Variants in CACNA1D observed in about 807,000 individuals in gnomAD.
The protein encoded by CACNA1D is voltage-dependent L-type calcium channel subunit alpha-1D.
CACNA1D carries 55 observed loss-of-function variants against 257.1 expected under a neutral mutation model. The observed-to-expected ratio is 0.21, with a 90% CI of 0.17 to 0.27. The LOEUF (loss-of-function observed/expected upper bound fraction) is 0.27. Ranked by LOEUF, CACNA1D falls within the 10% of genes least tolerant of loss-of-function variation. The probability of loss-of-function intolerance (pLI) is 1.00; values close to 1 mark genes in which losing one functional copy is unlikely to be tolerated. For missense variants in CACNA1D, 1,876 were observed against 2,784.0 expected, an observed-to-expected ratio of 0.67 and a Z score of 7.34; for synonymous variants, 980 against 1,014.9, an observed-to-expected ratio of 0.97 and a Z score of 0.65.
At chr3:53,509,450 T>C (rs1281821281) in intron 3 of CACNA1D, among the ~76,000 whole-genome samples, 2 of 152,292 alleles carry the variant, frequency 1.3e-5, no homozygotes, top group African/African-American at 2.4e-5. Flanking sequence ...CTGGAGAAAA[T>C]GACTTTCTTC....
chr3:53,803,662 C>A, intron 44 of CACNA1D, 90 bp downstream of exon 44: 1 of 1,361,528 alleles, frequency 7.3e-7, no homozygotes, highest in Non-Finnish European at 1.0e-6. Flanking sequence ...GGCAGCTGCA[C>A]TTGGGCTTCC....
intron 45 of CACNA1D, among the ~76,000 whole-genome samples, chr3:53,806,996 A>AGTGGCTGT (rs1302511388): frequency 6.6e-6 from 1 of 152,146 alleles, no homozygotes; most frequent in African/African-American, 2.4e-5. Flanking sequence ...AGTGGGCAGG[A>AGTGGCTGT]GTGGCTGTGC....
In CACNA1D at chr3:53,793,273, T is replaced by C. The variant is rs2095492721; in HGVS notation, c.4923+6321T>C. The stretch of plus-strand genomic sequence containing the variant: ...CTGCTCTGATTGGGCAGCACCTGGG[T>C]ATATTAAGTTATAAGAATTTATGAA... On this transcript the variant is annotated intron_variant, in intron 40 of 47. Transcript: ENST00000350061. The surrounding 1 kb of genome is among the most constrained non-coding windows in gnomAD (Gnocchi z 4.1). Among the ~76,000 whole-genome samples, 1 of 152,148 alleles carries C rather than the reference T, an allele frequency of 6.6e-6. No individual in the cohort carries two copies. The highest frequency in any genetic ancestry group is 1.5e-5 in the Non-Finnish European group (1 of 68,024).
At chr3:53,592,679 G>T (rs1177547912) in intron 3 of CACNA1D, among the ~76,000 whole-genome samples, 1 of 151,652 alleles carries the variant, frequency 6.6e-6, no homozygotes, top group Non-Finnish European at 1.5e-5. Context: ...GTTCTGAACT[G>T]TAGCATCCCA....
At chr3:53,548,674 A>C (rs1575827627) in intron 3 of CACNA1D, among the ~76,000 whole-genome samples, 1 of 152,026 alleles carries the variant, frequency 6.6e-6, no homozygotes, top group African/African-American at 2.4e-5. Context: ...TGCTTGTATT[A>C]TCTCTCCCTT....
intron 3 of CACNA1D, among the ~76,000 whole-genome samples, chr3:53,541,052 T>C (rs763291825): frequency 1.3e-5 from 2 of 152,194 alleles, no homozygotes; most frequent in Non-Finnish European, 2.9e-5. Flanking sequence ...GGCATGGTAT[T>C]TCATTGACAG....
At chr3:53,496,226 GTGCCTGGGAGATC>G (rs1026857177) in intron 1 of CACNA1D, among the ~76,000 whole-genome samples, 1 of 152,240 alleles carries the variant, frequency 6.6e-6, no homozygotes, top group Non-Finnish European at 1.5e-5. Context: ...AAGGCGGCAG[GTGCCTGGGAGATC>G]TGCCTGGGAG....
chr3:53,681,263 C>T (rs1402170973), intron 8 of CACNA1D, among the ~76,000 whole-genome samples: 1 of 152,192 alleles, frequency 6.6e-6, no homozygotes, highest in Non-Finnish European at 1.5e-5. Flanking sequence ...GAACTTAGAT[C>T]GGCTGCTAGA....
intron 3 of CACNA1D, among the ~76,000 whole-genome samples, chr3:53,551,277 C>T (rs940112915): frequency 6.6e-6 from 1 of 150,634 alleles, no homozygotes; most frequent in African/African-American, 2.5e-5. Flanking sequence ...ACATGACTTT[C>T]CCAAGGGCTG....
Position 53,585,247 on chromosome 3 carries a change from G to C in CACNA1D, c.484-65532G>C, listed in dbSNP as rs374580724. On this transcript the variant is annotated intron_variant, in intron 3 of 47. Coordinates refer to ENST00000350061, the MANE Select transcript of CACNA1D (RefSeq NM_001128840.3). ...CATGACTTGGTGCCTGCCCAGAGAG[G>C]TCCCTGGGTCAGATTCCTCCCGAGC... Among the ~76,000 whole-genome samples the C allele has an allele frequency of 1.5e-4, 23 of 152,158 alleles. No homozygotes were observed. In the East Asian group the frequency reaches 2.5e-3, roughly 17 times the overall value.
At chr3:53,700,980 ATTCT>A (rs889292010) in intron 8 of CACNA1D, among the ~76,000 whole-genome samples, 2 of 145,286 alleles carry the variant, frequency 1.4e-5, no homozygotes, top group African/African-American at 5.2e-5. Context: ...TCTGAGTGGG[ATTCT>A]TTCTAATTGT....
intron 3 of CACNA1D, among the ~76,000 whole-genome samples, chr3:53,564,953 T>G (rs1379712426): frequency 6.6e-6 from 1 of 152,206 alleles, no homozygotes; most frequent in East Asian, 1.9e-4. Context: ...TTTTTTGCCT[T>G]TAGCATGTAG....
intron 3 of CACNA1D, among the ~76,000 whole-genome samples, chr3:53,575,347 A>G (rs1210483259): frequency 6.6e-6 from 1 of 152,082 alleles, no homozygotes; most frequent in Non-Finnish European, 1.5e-5. Context: ...GTGCATGGGC[A>G]GGAAGGGGAG....
At chr3:53,763,554 G>A (rs988583095) in intron 30 of CACNA1D, among the ~76,000 whole-genome samples, 3 of 152,202 alleles carry the variant, frequency 2.0e-5, no homozygotes, top group African/African-American at 7.2e-5. Context: ...GAGAGTGGGC[G>A]GAGCACGGGG....
At chr3:53,531,779 A>G (rs766969293) in intron 3 of CACNA1D, among the ~76,000 whole-genome samples, 19 of 152,316 alleles carry the variant, frequency 1.2e-4, no homozygotes, top group East Asian at 7.7e-4. Flanking sequence ...TATTGCTATC[A>G]GAGTCAGACA....
chr3:53,561,157 G>A (rs1039238242), intron 3 of CACNA1D, among the ~76,000 whole-genome samples: 3 of 152,090 alleles, frequency 2.0e-5, no homozygotes, highest in Non-Finnish European at 2.9e-5. Flanking sequence ...ACTAAACTGG[G>A]ATTTGTATCC....
intron 45 of CACNA1D, among the ~76,000 whole-genome samples, chr3:53,805,495 TTGCTGTTGTCAGCCC>T (rs1235849738): frequency 6.6e-6 from 1 of 152,184 alleles, no homozygotes; most frequent in Non-Finnish European, 1.5e-5. Context: ...ACACATGCTT[TTGCTGTTGTCAGCCC>T]TGCTGCACTC....
chr3:53,601,051 G>A (rs2093435353), intron 3 of CACNA1D, among the ~76,000 whole-genome samples: 1 of 152,100 alleles, frequency 6.6e-6, no homozygotes, highest in Non-Finnish European at 1.5e-5. Flanking sequence ...TCTCAGGCCT[G>A]CACAGCACAC....
At chr3:53,619,319 G>A (rs2093670687) in intron 3 of CACNA1D, among the ~76,000 whole-genome samples, 1 of 152,190 alleles carries the variant, frequency 6.6e-6, no homozygotes, top group African/African-American at 2.4e-5. Context: ...ATTAGTCATG[G>A]AAAAATCCCC....
Sources: allele counts gnomAD v4.1 joint callset (sites outside exome capture counted in the v4.1 genomes callset), GRCh38; gene constraint gnomAD v4.1.1; non-coding constraint Gnocchi (gnomAD v3.1); transcripts MANE v1.5; gene names NCBI Gene and HGNC (gene_info 2026-07-23, HGNC 2026-07-21).